Variants in IVD observed in about 807,000 individuals in gnomAD.
IVD encodes isovaleryl-CoA dehydrogenase.
IVD carries 31 observed loss-of-function variants against 51.3 expected under a neutral mutation model. The observed-to-expected ratio is 0.60, with a 90% CI of 0.45 to 0.81. The LOEUF is 0.81. IVD is among the 40% of genes least tolerant of loss of function. The probability of loss-of-function intolerance (pLI) is 0.00; values close to 1 mark genes in which losing one functional copy is unlikely to be tolerated. For missense variants in IVD, 475 were observed against 552.0 expected, an observed-to-expected ratio of 0.86 and a Z score of 1.40; for synonymous variants, 205 against 219.4, an observed-to-expected ratio of 0.93 and a Z score of 0.58.
At chr15:40,422,586 T>C (rs914043927), downstream of IVD, among the ~76,000 whole-genome samples, 2 of 9,812 alleles carry the variant, frequency 2.0e-4, no homozygotes, top group Non-Finnish European at 3.8e-4. Flanking sequence ...CCCGGCCGAC[T>C]TTTTTTTTTT....
At chr15:40,431,010 C>T (rs1174869681) in intron 7 of IVD, among the ~76,000 whole-genome samples, 1 of 152,016 alleles carries the variant, frequency 6.6e-6, no homozygotes, top group East Asian at 1.9e-4. Flanking sequence ...TGCTAACAGA[C>T]ATTTGGAAAA....
downstream of IVD, among the ~76,000 whole-genome samples, chr15:40,427,896 G>A (rs941731736): frequency 6.6e-6 from 1 of 152,062 alleles, no homozygotes; most frequent in African/African-American, 2.4e-5. Flanking sequence ...AATTAAGACT[G>A]GACTGCCAGG....
chr15:40,410,884 C>A, intron 4 of IVD, 87 bp downstream of exon 4: 2 of 1,490,410 alleles, frequency 1.3e-6, no homozygotes, highest in East Asian at 2.4e-5. Context: ...GCCAGTCAGA[C>A]CTGCTTTCTG....
intron 4 of IVD, 107 bp from the exon 5 acceptor site, chr15:40,411,153 G>T: frequency 1.8e-6 from 2 of 1,089,336 alleles, no homozygotes; most frequent in Non-Finnish European, 2.8e-6. Context: ...CCTGGTCTGA[G>T]AGCGAAGTTT....
chr15:40,411,518 A>G (rs1402435837), intron 5 of IVD, 37 bp from the exon 6 acceptor site: 1 of 1,614,098 alleles, frequency 6.2e-7, no homozygotes, highest in South Asian at 1.1e-5. Flanking sequence ...AGACAGGCCA[A>G]GATGGCTTGA....
downstream of IVD, among the ~76,000 whole-genome samples, chr15:40,426,487 G>T (rs1023248919): frequency 1.3e-5 from 2 of 149,648 alleles, no homozygotes; most frequent in Middle Eastern, 6.3e-3. Context: ...GCAGTGAGCC[G>T]AGATCACACC....
chr15:40,432,678 T>C (rs1566952951), intron 7 of IVD, among the ~76,000 whole-genome samples: 1 of 152,234 alleles, frequency 6.6e-6, no homozygotes, highest in Non-Finnish European at 1.5e-5. Context: ...TTGAGGAATG[T>C]GCTTAGGGAT....
intron 9 of IVD, among the ~76,000 whole-genome samples, 153 bp downstream of exon 9, chr15:40,415,635 C>T (rs1271895910): frequency 6.6e-6 from 1 of 152,230 alleles, no homozygotes; most frequent in Non-Finnish European, 1.5e-5. Context: ...CAGCATGCAG[C>T]CTGACTCTGG....
At chr15:40,407,373 G>T (rs117677516) in intron 1 of IVD, among the ~76,000 whole-genome samples, 2 of 152,228 alleles carry the variant, frequency 1.3e-5, no homozygotes, top group Non-Finnish European at 2.9e-5. Flanking sequence ...TGAGAAGCTT[G>T]TGTTTTATTC....
chr15:40,418,253 A>C lies in IVD; in HGVS notation c.1262A>C (p.Asp421Ala). ...GTCATCGGCAGAGCCTTCAATGCAG[A>C]CTTTCACTAGTCCTGAGACCCTTCG... ...RLVIGRAFNA[D>A]FH is the part of the protein sequence containing the mutation. The change falls in exon 12 of 12, where the codon GAC becomes GCC. Residue 421 changes from aspartate (D) to alanine (A), a missense_variant. Asp to Ala is a moderately radical substitution (Grantham distance 126). Coordinates refer to ENST00000487418, the MANE Select transcript of IVD (RefSeq NM_002225.5). 6.2e-7 allele frequency: 1 copy of C among 1,614,066 alleles called. No homozygotes were observed. The highest frequency in any genetic ancestry group is 8.5e-7 in the Non-Finnish European group (1 of 1,179,980).
At chr15:40,410,824 C>G in intron 4 of IVD, 27 bp downstream of exon 4, 1 of 1,612,552 alleles carries the variant, frequency 6.2e-7, no homozygotes. Context: ...GTAATACACG[C>G]TAATCTCACA....
In IVD at chr15:40,420,322, C is replaced by T. The variant is rs77460541; in HGVS notation, c.*2059C>T. On this transcript the variant is annotated 3_prime_UTR_variant, in exon 12 of 12. Coordinates refer to ENST00000487418, the MANE Select transcript of IVD (RefSeq NM_002225.5). ...AGGCACAGGCCCTACCCGAGCAGGC[C>T]GGAGTTGGCTCGCATGACTCCAGCT... 1.3e-5 allele frequency: 13 copies of T among 987,690 alleles called. No homozygotes were observed. In the East Asian group the frequency reaches 7.9e-4, roughly 60 times the overall value. 61.2% of individuals were successfully genotyped at this position (987,690 alleles called of 1,614,324 possible).
At chr15:40,411,743 A>G in intron 6 of IVD, 52 bp downstream of exon 6, 1 of 1,595,576 alleles carries the variant, frequency 6.3e-7, no homozygotes. Context: ...TGACAGTGGT[A>G]CCAGAGATAG....
chr15:40,423,520 G>T (rs540676033), downstream of IVD, among the ~76,000 whole-genome samples: 8 of 152,328 alleles, frequency 5.3e-5, no homozygotes, highest in African/African-American at 1.9e-4. Flanking sequence ...GGAGTACAGT[G>T]GCATAATCTC....
At position 40,415,389 on chromosome 15, in the gene IVD, C is replaced by T. The variant is rs772633374; in HGVS notation, c.879-12C>T. ...GAGGAGGTGCCCACGGGGCCTTTCT[C>T]CTTTCTGACAGGCTCATGCAAGCGG... On this transcript the variant is annotated splice_polypyrimidine_tract_variant and intron_variant, in intron 8 of 11. Coordinates refer to ENST00000487418, the MANE Select transcript of IVD (RefSeq NM_002225.5). 1.9e-6 allele frequency: 3 copies of T among 1,613,380 alleles called. No homozygotes were observed. The highest frequency in any genetic ancestry group is 2.5e-6 in the Non-Finnish European group (3 of 1,179,300).
downstream of IVD, among the ~76,000 whole-genome samples, chr15:40,423,430 T>C (rs1892478419): frequency 6.6e-6 from 1 of 152,220 alleles, no homozygotes; most frequent in African/African-American, 2.4e-5. Context: ...TGCTTACTTA[T>C]TGATTTAATT....
intron 8 of IVD, among the ~76,000 whole-genome samples, chr15:40,434,914 G>A (rs1164220596): frequency 1.3e-5 from 2 of 152,196 alleles, no homozygotes; most frequent in African/African-American, 4.8e-5. Context: ...GGCCTCAGAA[G>A]TCCAGTGGGG....
At chr15:40,411,454 A>G in intron 5 of IVD, 101 bp downstream of exon 5, 7 of 1,602,930 alleles carry the variant, frequency 4.4e-6, no homozygotes, top group Admixed American at 1.7e-5. Flanking sequence ...GGTTTCCAGA[A>G]CTTTCTCAAA....
intron 1 of IVD, 90 bp downstream of exon 1, chr15:40,406,061 C>T: frequency 6.7e-7 from 1 of 1,492,316 alleles, no homozygotes; most frequent in South Asian, 1.3e-5. Context: ...ATCGGCCCAG[C>T]GCCCACCCAG....
Sources: gnomAD v4.1 joint callset for allele counts (sites outside exome capture counted in the v4.1 genomes callset) on GRCh38, gnomAD v4.1.1 for gene constraint, MANE v1.5 for transcripts, NCBI Gene and HGNC (gene_info 2026-07-23, HGNC 2026-07-21) for gene names.